The following ROCK2 variants were observed in gnomAD, a reference collection of about 807,000 sequenced individuals.
ROCK2 encodes the protein Rho associated coiled-coil containing protein kinase 2.
A neutral mutation model predicts 195.1 loss-of-function variants in ROCK2; 61 were observed. The observed-to-expected ratio is 0.31, with a 90% CI of 0.25 to 0.39. The LOEUF is 0.39. Among genes scored for constraint, ROCK2 ranks in the 10% least tolerant of loss-of-function variants. ROCK2 has a pLI of 1.00. For synonymous variants in ROCK2, 504 were observed against 545.5 expected (o/e 0.92, Z 1.06); for missense variants, 1,109 against 1,637.4 (o/e 0.68, Z 5.57).
At position 11,240,743 on chromosome 2, in the gene ROCK2, G is replaced by A. The variant is rs372153755; in HGVS notation, c.463-4781C>T. On this transcript the variant is annotated intron_variant, in intron 4 of 32. Coordinates refer to ENST00000315872, the MANE Select transcript of ROCK2 (RefSeq NM_004850.5). ...AAACTCACTAAAGCATACACTTCAC[G>A]CAGGTGAATTTTATGCTATGCAAAT... 4.1e-4 allele frequency among the ~76,000 whole-genome samples: 63 copies of A among 152,324 alleles called. 3 individuals are homozygous for A. The South Asian group carries it at 0.012, about 30-fold the overall frequency.
chr2:11,285,902 C>T (rs763522361), intron 3 of ROCK2, among the ~76,000 whole-genome samples: 17 of 151,964 alleles, frequency 1.1e-4, no homozygotes, highest in Admixed American at 9.2e-4. Flanking sequence ...ATGACTTGTT[C>T]TTAACAAAAT....
rs1667875744 is a variant in ROCK2, at chr2:11,306,902, T to C, written c.142-19166A>G. 5.9e-5 allele frequency among the ~76,000 whole-genome samples: 9 copies of C among 152,250 alleles called. No homozygotes were observed. The South Asian group carries it at 1.9e-3, about 32-fold the overall frequency. ...CAAATGCTGACAGAGAGGAATTAAC[T>C]ATAGCAGACCTGCTTGAAAAATATG... is the stretch of plus-strand genomic sequence containing the variant. On this transcript the variant is annotated intron_variant, in intron 1 of 32. Coordinates refer to ENST00000315872, the MANE Select transcript of ROCK2 (RefSeq NM_004850.5).
At chr2:11,217,469 T>A (rs954906529) in intron 11 of ROCK2, 16 of 418,538 alleles carry the variant, frequency 3.8e-5, no homozygotes, top group Non-Finnish European at 6.2e-5. Flanking sequence ...TTATAAAGAA[T>A]ACCACCTCAG....
chr2:11,214,598 G>T, intron 16 of ROCK2, 135 bp from the exon 17 acceptor site: 1 of 653,106 alleles, frequency 1.5e-6, no homozygotes, highest in Non-Finnish European at 2.6e-6. Flanking sequence ...TGTTGGTATT[G>T]TGCTTTATAG....
In ROCK2 at chr2:11,201,031, T is replaced by G; in HGVS notation, c.2836A>C (p.Lys946Gln). Reference protein sequence around the residue: ...YSDLEKEKIMKELEIKEMMAR... With the variant: ...YSDLEKEKIMQELEIKEMMAR... ...ATCATCTCTTTGATCTCCAGCTCTTTCATGATCTTCTCTTTTTCCAAATCA... is the reference window on the plus strand; with the variant it reads ...ATCATCTCTTTGATCTCCAGCTCTTGCATGATCTTCTCTTTTTCCAAATCA... Residue 946 changes from lysine (K) to glutamine (Q), a missense_variant, in exon 23 of 33, where the codon AAA becomes CAA. Transcript: ENST00000315872. This position sits in a 1 kb window ranked among gnomAD's most constrained non-coding sequence, Gnocchi z 4.6. 6.2e-7 allele frequency: 1 copy of G among 1,613,816 alleles called. No homozygotes were observed. Among genetic ancestry groups the G allele is most frequent in the Non-Finnish European group, 8.5e-7 (1 of 1,179,896 alleles).
chr2:11,327,707 T>C (rs1668592016), intron 1 of ROCK2, among the ~76,000 whole-genome samples: 1 of 152,158 alleles, frequency 6.6e-6, no homozygotes, highest in African/African-American at 2.4e-5. Flanking sequence ...GGACTACAGG[T>C]GCACACCACC....
At chr2:11,228,512 C>A (rs1056101391) in intron 5 of ROCK2, among the ~76,000 whole-genome samples, 2 of 151,956 alleles carry the variant, frequency 1.3e-5, no homozygotes, top group African/African-American at 4.8e-5. Flanking sequence ...ATTGAGCAAA[C>A]CATGGGAGTA....
Position 11,227,179 on chromosome 2 carries a change from A to G in ROCK2, c.868+75T>C, listed in dbSNP as rs1442117132. On this transcript the variant is annotated intron_variant, in intron 6 of 32. Transcript: ENST00000315872. The stretch of plus-strand genomic sequence containing the variant: ...TACGACAAAGGCAATTAATTTCCTT[A>G]TATTCTCAAATTCTTGACTGAAATA... The G allele has an allele frequency of 2.2e-6, 3 of 1,363,430 alleles. No homozygotes were observed. In the African/African-American group the frequency reaches 4.4e-5, roughly 20 times the overall value. 84.5% of individuals were successfully genotyped at this position (1,363,430 alleles called of 1,614,324 possible).
intron 1 of ROCK2, among the ~76,000 whole-genome samples, chr2:11,341,308 T>C (rs985411217): frequency 6.6e-6 from 1 of 152,208 alleles, no homozygotes; most frequent in African/African-American, 2.4e-5. Flanking sequence ...CAAATTCAAA[T>C]GATAATGCTA....
In ROCK2 at chr2:11,192,265, G is replaced by C; in HGVS notation, c.4046C>G (p.Pro1349Arg). 6.2e-7 allele frequency: 1 copy of C among 1,613,722 alleles called. No individual in the cohort carries two copies. The highest frequency in any genetic ancestry group is 8.5e-7 in the Non-Finnish European group (1 of 1,179,888). Reference sequence around the variant, plus strand: ...AGGGTCTGGAGCTGGGGGCTTTTTAGGTATCTTTTTCACCAACCGACTAAC... The same window carrying C: ...AGGGTCTGGAGCTGGGGGCTTTTTACGTATCTTTTTCACCAACCGACTAAC... ...KWVSRLVKKI[P>R]KKPPAPDPFA... Residue 1349 changes from proline to arginine, a missense_variant, in exon 32 of 33, where the codon CCT (proline) becomes CGT (arginine). Pro to Arg is a moderately radical substitution (Grantham distance 103). Coordinates refer to ENST00000315872, the MANE Select transcript of ROCK2 (RefSeq NM_004850.5). The surrounding 1 kb of genome is among the most constrained non-coding windows in gnomAD (Gnocchi z 5.0).
intron 1 of ROCK2, among the ~76,000 whole-genome samples, chr2:11,297,442 T>TA (rs1667571147): frequency 6.6e-6 from 1 of 152,128 alleles, no homozygotes; most frequent in African/African-American, 2.4e-5. Context: ...TTAGACCTTT[T>TA]AAAAAATTAC....
chr2:11,289,841 T>C (rs1365345094), intron 1 of ROCK2, among the ~76,000 whole-genome samples: 5 of 152,220 alleles, frequency 3.3e-5, no homozygotes, highest in Admixed American at 2.0e-4. Flanking sequence ...GATTCCCCAG[T>C]AGAATAGGGT....
At chr2:11,300,484 G>T (rs988882009) in intron 1 of ROCK2, among the ~76,000 whole-genome samples, 3 of 152,016 alleles carry the variant, frequency 2.0e-5, no homozygotes, top group Admixed American at 2.0e-4. Flanking sequence ...GGCTGGTCTC[G>T]AACTCCAGAC....
Position 11,221,368 on chromosome 2 carries a change from A to T in ROCK2, c.1100-11T>A. On this transcript the variant is annotated splice_polypyrimidine_tract_variant and intron_variant, in intron 8 of 32. Transcript: ENST00000315872. ...CTACAGGAGCTGCCGCTATTAAAAG[A>T]AAAGAAATAAATTATTTCATTCACA... is the stretch of plus-strand genomic sequence containing the variant. The T allele has an allele frequency of 6.6e-7, 1 of 1,518,258 alleles. No homozygotes were observed. Among genetic ancestry groups the T allele is most frequent in the Non-Finnish European group, 8.7e-7 (1 of 1,144,006 alleles). The allele number at this position is 1,518,258 out of a possible 1,614,324, so 94.0% of individuals were successfully genotyped here.
At chr2:11,312,218 T>C (rs1668057978) in intron 1 of ROCK2, among the ~76,000 whole-genome samples, 1 of 152,210 alleles carries the variant, frequency 6.6e-6, no homozygotes, top group African/African-American at 2.4e-5. Flanking sequence ...TCTCAGTTTT[T>C]AGCATATACT....
At chr2:11,304,341 A>C (rs182460979) in intron 1 of ROCK2, among the ~76,000 whole-genome samples, 5 of 152,224 alleles carry the variant, frequency 3.3e-5, no homozygotes, top group African/African-American at 1.2e-4. Flanking sequence ...TGCCAATTCC[A>C]TCCTTGCAAA....
chr2:11,197,466 G>A lies in ROCK2; in HGVS notation c.3279+60C>T. On this transcript the variant is annotated intron_variant, in intron 26 of 32. Coordinates refer to ENST00000315872, the MANE Select transcript of ROCK2 (RefSeq NM_004850.5). The surrounding 1 kb of genome is among the most constrained non-coding windows in gnomAD (Gnocchi z 4.9). ...TCTATAACCAGTAAAACACAGACAT[G>A]AAAATAATTCTACTTCTTAAAAAGA... 6.4e-7 allele frequency: 1 copy of A among 1,552,198 alleles called. No individual in the cohort carries two copies. The highest frequency in any genetic ancestry group is 8.7e-7 in the Non-Finnish European group (1 of 1,142,990).
chr2:11,217,239 A>T lies in ROCK2; in HGVS notation c.1333-70T>A, dbSNP rs1428148034. 41 of 795,728 alleles carry T rather than the reference A, an allele frequency of 5.2e-5. No individual in the cohort carries two copies. In the East Asian group the frequency reaches 8.2e-4, roughly 16 times the overall value. 49.3% of individuals were successfully genotyped at this position (795,728 alleles called of 1,614,324 possible). A position where few individuals can be genotyped will look rare whatever the true frequency, so the allele number is the denominator to read the frequency against. ...TAAAGATGAGAGGCTTAAAGAAAAC[A>T]ATGATAAGCTTATTTTGTCTTTCCA... is the stretch of plus-strand genomic sequence containing the variant. On this transcript the variant is annotated intron_variant, in intron 11 of 32. Transcript: ENST00000315872.
At chr2:11,271,429 G>A (rs1386249041) in intron 3 of ROCK2, among the ~76,000 whole-genome samples, 1 of 152,150 alleles carries the variant, frequency 6.6e-6, no homozygotes, top group African/African-American at 2.4e-5. Context: ...CCTCAGCACT[G>A]GTTCTCGTGG....
Sources: gnomAD v4.1 joint callset for allele counts (sites outside exome capture counted in the v4.1 genomes callset) on GRCh38, gnomAD v4.1.1 for gene constraint, Gnocchi (gnomAD v3.1) non-coding constraint, MANE v1.5 for transcripts, NCBI Gene and HGNC (gene_info 2026-07-23, HGNC 2026-07-21) for gene names.